The following APP variants were observed in gnomAD, a reference collection of about 807,000 sequenced individuals.
APP encodes the protein amyloid beta precursor protein.
A neutral mutation model predicts 101.4 loss-of-function variants in APP; 31 were observed. That is an observed-to-expected ratio of 0.31 (90% CI 0.23 to 0.41). APP has a LOEUF of 0.41. Among genes scored for constraint, APP ranks in the 10% least tolerant of loss-of-function variants. The pLI, the probability that APP is intolerant of heterozygous loss-of-function variation, is 1.00. For synonymous variants in APP, 366 were observed against 364.4 expected (o/e 1.00, Z -0.05); for missense variants, 839 against 1,003.7 (o/e 0.84, Z 2.22).
chr21:25,982,279 T>G, intron 9 of APP, 65 bp downstream of exon 9: 1 of 1,554,682 alleles, frequency 6.4e-7, no homozygotes, highest in Non-Finnish European at 8.9e-7. Flanking sequence ...GTGGGGAGAC[T>G]GAGGCAGAGG....
intron 1 of APP, among the ~76,000 whole-genome samples, chr21:26,167,794 A>T (rs1205450664): frequency 6.6e-6 from 1 of 152,198 alleles, no homozygotes; most frequent in Non-Finnish European, 1.5e-5. Flanking sequence ...TCTCCGCAGT[A>T]CTAATAGCCT....
intron 13 of APP, among the ~76,000 whole-genome samples, chr21:25,939,788 G>A (rs1003655024): frequency 6.6e-6 from 1 of 151,822 alleles, no homozygotes; most frequent in Non-Finnish European, 1.5e-5. Context: ...ACTTAAATTT[G>A]GTTAGTTTGC....
At chr21:26,128,869 G>A (rs1279225799) in intron 1 of APP, among the ~76,000 whole-genome samples, 1 of 152,168 alleles carries the variant, frequency 6.6e-6, no homozygotes, top group Admixed American at 6.5e-5. Flanking sequence ...ATTTGAAATG[G>A]ATGATCAAGC....
intron 1 of APP, among the ~76,000 whole-genome samples, chr21:26,159,635 G>A (rs2063449045): frequency 6.6e-6 from 1 of 152,174 alleles, no homozygotes; most frequent in Admixed American, 6.5e-5. Flanking sequence ...AGATTGCTTT[G>A]TAAATCTAAA....
At chr21:25,893,448 G>A (rs890081350) in intron 16 of APP, among the ~76,000 whole-genome samples, 3 of 152,232 alleles carry the variant, frequency 2.0e-5, no homozygotes, top group African/African-American at 7.2e-5. Flanking sequence ...AGTTGTGAAT[G>A]CAAAGAAAAG....
At chr21:26,031,868 G>GT (rs1050007974) in intron 5 of APP, among the ~76,000 whole-genome samples, 45 of 152,248 alleles carry the variant, frequency 3.0e-4, no homozygotes, top group African/African-American at 1.1e-3. Flanking sequence ...CCCCAGATTC[G>GT]TAAGTGGAGC....
chr21:26,000,124 G>C lies in APP; in HGVS notation c.924C>G (p.Tyr308Ter). The change falls in exon 7 of 18, where the codon TAC becomes TAG. Residue 308 changes from tyrosine (Y) to a stop codon, truncating the protein, a stop_gained. Transcript: ENST00000346798. LOFTEE classifies it high-confidence loss of function. ...GPCRAMISRW[Y>*]FDVTEGKCAP... is the part of the protein sequence containing the mutation. ...CACACTTCCCTTCAGTCACATCAAA[G>C]TACCAGCGGGAGATCATTGCTCGGC... 6.2e-7 allele frequency: 1 copy of C among 1,614,208 alleles called. No individual in the cohort carries two copies. The highest frequency in any genetic ancestry group is 1.1e-5 in the South Asian group (1 of 91,086).
Position 26,089,965 on chromosome 21 carries a change from A to C in APP, c.333T>G (p.Phe111Leu). Residue 111 changes from phenylalanine to leucine, a missense_variant, in exon 3 of 18, where the codon TTT (phenylalanine) becomes TTG (leucine). By Grantham distance (22) the Phe-to-Leu change is conservative (BLOSUM62 0). Transcript: ENST00000346798. ...GRKQCKTHPHFVIPYRCLVGE... is the reference protein window; with the variant it reads ...GRKQCKTHPHLVIPYRCLVGE... The stretch of plus-strand genomic sequence containing the variant: ...CACCTAAGCAGCGGTAGGGAATCAC[A>C]AAGTGGGGATGGGTCTTGCACTGCT... 1 of 1,614,120 alleles carries C rather than the reference A, an allele frequency of 6.2e-7. No homozygotes were observed. Among genetic ancestry groups the C allele is most frequent in the Non-Finnish European group, 8.5e-7 (1 of 1,179,996 alleles).
At chr21:26,023,046 C>T (rs1296870804) in intron 5 of APP, among the ~76,000 whole-genome samples, 1 of 149,896 alleles carries the variant, frequency 6.7e-6, no homozygotes, top group Non-Finnish European at 1.5e-5. Flanking sequence ...CCTGCTGGAA[C>T]TCACACAGGT....
intron 11 of APP, among the ~76,000 whole-genome samples, chr21:25,969,986 GAGAGAAAGAGAAAC>G (rs1477726282): frequency 8.3e-6 from 1 of 120,086 alleles, no homozygotes; most frequent in Non-Finnish European, 1.7e-5. Flanking sequence ...AGGAAGGCAG[GAGAGAAAGAGAAAC>G]AGAGAAAGAG....
Position 26,170,576 on chromosome 21 carries a change from A to C in APP, c.45T>G (p.Ala15=). The C allele has an allele frequency of 6.5e-7, 1 of 1,538,670 alleles. No homozygotes were observed. The highest frequency in any genetic ancestry group is 8.7e-7 in the Non-Finnish European group (1 of 1,146,436). The change falls in exon 1 of 18, where the codon GCT becomes GCG. Residue 15 remains alanine (A), a synonymous_variant. Coordinates refer to ENST00000346798, the MANE Select transcript of APP (RefSeq NM_000484.4). ...GCGCGGCACCCACCTCCAGCGCCCGAGCCGTCCAGGCGGCCAGCAGGAGCA... is the reference window on the plus strand; with the variant it reads ...GCGCGGCACCCACCTCCAGCGCCCGCGCCGTCCAGGCGGCCAGCAGGAGCA... The part of the protein sequence containing the change: ...LALLLLAAWT[A]RALEVPTDGN...
chr21:25,926,960 G>A (rs1487631496), intron 13 of APP, among the ~76,000 whole-genome samples: 1 of 134,072 alleles, frequency 7.5e-6, no homozygotes, highest in African/African-American at 2.9e-5. Flanking sequence ...CCGAGATCGC[G>A]CCACTGCACT....
At chr21:25,897,501 A>G (rs746024721) in intron 16 of APP, 72 bp downstream of exon 16, 23 of 1,115,004 alleles carry the variant, frequency 2.1e-5, no homozygotes, top group Non-Finnish European at 3.2e-5. Flanking sequence ...TTTCTAGCAC[A>G]GGATGAACCA....
At chr21:26,088,743 A>G (rs1259470956) in intron 3 of APP, among the ~76,000 whole-genome samples, 1 of 152,210 alleles carries the variant, frequency 6.6e-6, no homozygotes, top group Non-Finnish European at 1.5e-5. Flanking sequence ...ATGAACCAGA[A>G]AAGAGTTGAG....
intron 1 of APP, among the ~76,000 whole-genome samples, chr21:26,145,050 A>G (rs2063126563): frequency 6.6e-6 from 1 of 152,248 alleles, no homozygotes; most frequent in South Asian, 2.1e-4. Flanking sequence ...GGAGGATTCT[A>G]GATATCACAT....
chr21:25,977,254 C>T (rs940217906), intron 9 of APP, among the ~76,000 whole-genome samples: 3 of 152,196 alleles, frequency 2.0e-5, no homozygotes, highest in African/African-American at 7.2e-5. Context: ...CTTCCTACCA[C>T]CTACAGCTGC....
intron 1 of APP, among the ~76,000 whole-genome samples, chr21:26,134,377 A>G (rs933394551): frequency 2.6e-5 from 4 of 152,222 alleles, no homozygotes; most frequent in African/African-American, 9.6e-5. Context: ...CCAACTGGCT[A>G]CCATTCCCCA....
chr21:25,976,116 C>T, intron 9 of APP, 88 bp from the exon 10 acceptor site: 1 of 1,163,874 alleles, frequency 8.6e-7, no homozygotes, highest in Non-Finnish European at 1.3e-6. Flanking sequence ...TGTTTTTCCT[C>T]TATTTTTGTC....
At chr21:26,150,830 G>C (rs922659762) in intron 1 of APP, among the ~76,000 whole-genome samples, 9 of 152,180 alleles carry the variant, frequency 5.9e-5, no homozygotes, top group Non-Finnish European at 1.2e-4. Context: ...CTGTGATGTT[G>C]ATAGTGTAAG....
Sources: allele counts gnomAD v4.1 joint callset (sites outside exome capture counted in the v4.1 genomes callset), GRCh38; gene constraint gnomAD v4.1.1; transcripts MANE v1.5; gene names NCBI Gene and HGNC (gene_info 2026-07-23, HGNC 2026-07-21).